Variants in KIAA1958 observed in about 807,000 individuals in gnomAD.
The protein encoded by KIAA1958 is KIAA1958, also known as uncharacterized protein KIAA1958.
KIAA1958 carries 14 observed loss-of-function variants against 47.2 expected under a neutral mutation model. The ratio of observed to expected loss-of-function variants is 0.30; its 90% CI spans 0.20 to 0.46. The LOEUF is 0.46. Among genes scored for constraint, KIAA1958 ranks in the 20% least tolerant of loss-of-function variants. The probability of loss-of-function intolerance (pLI) is 1.00; values close to 1 mark genes in which losing one functional copy is unlikely to be tolerated. For missense variants in KIAA1958, 803 were observed against 909.2 expected, an observed-to-expected ratio of 0.88 and a Z score of 1.50; for synonymous variants, 354 against 353.3, an observed-to-expected ratio of 1.00 and a Z score of -0.02.
chr9:112,493,817 T>C (rs1424671900), intron 1 of KIAA1958, among the ~76,000 whole-genome samples: 1 of 152,254 alleles, frequency 6.6e-6, no homozygotes, highest in African/African-American at 2.4e-5. Flanking sequence ...TCACATTTTT[T>C]TTCCCCTCAA....
At chr9:112,569,433 A>G (rs1371312329) in intron 1 of KIAA1958, among the ~76,000 whole-genome samples, 1 of 152,214 alleles carries the variant, frequency 6.6e-6, no homozygotes, top group Non-Finnish European at 1.5e-5. Flanking sequence ...GCTTTAATTC[A>G]TTAAAAGCTT....
chr9:112,636,281 G>T (rs73656440), intron 2 of KIAA1958, among the ~76,000 whole-genome samples: 2,336 of 151,850 alleles, frequency 0.015, 53 homozygotes, highest in African/African-American at 0.048. Flanking sequence ...CCTTTGAAAA[G>T]TTGAGACTTG....
At chr9:112,516,828 C>G (rs1234019359) in intron 1 of KIAA1958, among the ~76,000 whole-genome samples, 1 of 152,166 alleles carries the variant, frequency 6.6e-6, no homozygotes, top group Non-Finnish European at 1.5e-5. Context: ...TTGGGCAGTA[C>G]CTCTGAACCA....
chr9:112,578,070 G>A (rs1835680229), intron 2 of KIAA1958, among the ~76,000 whole-genome samples: 1 of 152,126 alleles, frequency 6.6e-6, no homozygotes, highest in Non-Finnish European at 1.5e-5. Flanking sequence ...ATATTGCTAA[G>A]ATGTCATTAG....
At chr9:112,522,525 C>T (rs1328821066) in intron 1 of KIAA1958, among the ~76,000 whole-genome samples, 1 of 152,146 alleles carries the variant, frequency 6.6e-6, no homozygotes, top group Non-Finnish European at 1.5e-5. Context: ...GTGTATACGC[C>T]TAGCCTGGGT....
rs749717257 is a variant in KIAA1958, at chr9:112,526,474, G to GGCCTCAAGTGATCCACCC, written c.-25+39363_-25+39380dup. Among the ~76,000 whole-genome samples the GGCCTCAAGTGATCCACCC allele has an allele frequency of 5.0e-3, 766 of 152,144 alleles. 4 individuals are homozygous for GGCCTCAAGTGATCCACCC. Among genetic ancestry groups the GGCCTCAAGTGATCCACCC allele is most frequent in the Non-Finnish European group, 8.5e-3 (580 of 67,998 alleles). On this transcript the variant is annotated intron_variant, in intron 1 of 3. Coordinates refer to ENST00000337530, the MANE Select transcript of KIAA1958 (RefSeq NM_133465.4). ...TTGGCCAGGCTGGTCTCAAACCCCT[G>GGCCTCAAGTGATCCACCC]GCCTCAAGTGATCCACCCGCCTCAG... is the stretch of plus-strand genomic sequence containing the variant.
At chr9:112,528,526 G>C (rs1015664998) in intron 1 of KIAA1958, among the ~76,000 whole-genome samples, 2 of 152,020 alleles carry the variant, frequency 1.3e-5, no homozygotes, top group Non-Finnish European at 2.9e-5. Flanking sequence ...TCATATGCAT[G>C]TATTTATTTA....
At chr9:112,556,904 G>A (rs1307697657) in intron 1 of KIAA1958, among the ~76,000 whole-genome samples, 1 of 152,222 alleles carries the variant, frequency 6.6e-6, no homozygotes, top group African/African-American at 2.4e-5. Flanking sequence ...CAGGTGGACA[G>A]AACAGGTGGG....
intron 3 of KIAA1958, among the ~76,000 whole-genome samples, chr9:112,658,486 A>G (rs1837193086): frequency 6.6e-6 from 1 of 152,242 alleles, no homozygotes; most frequent in Admixed American, 6.5e-5. Flanking sequence ...AGGAATAGTG[A>G]AAGTTACAAA....
intron 1 of KIAA1958, among the ~76,000 whole-genome samples, chr9:112,535,037 A>G (rs1002533170): frequency 2.6e-5 from 4 of 152,246 alleles, no homozygotes; most frequent in African/African-American, 9.6e-5. Context: ...TGATACATGT[A>G]TGCATTGTAG....
chr9:112,542,418 C>A (rs1460972555), intron 1 of KIAA1958, among the ~76,000 whole-genome samples: 2 of 151,936 alleles, frequency 1.3e-5, no homozygotes, highest in African/African-American at 4.8e-5. Flanking sequence ...AGGATATATT[C>A]ATGAATATAA....
chr9:112,566,748 C>G (rs565310147), intron 1 of KIAA1958, among the ~76,000 whole-genome samples: 1 of 152,002 alleles, frequency 6.6e-6, no homozygotes, highest in Non-Finnish European at 1.5e-5. Flanking sequence ...TTTATGATGT[C>G]AAATCAGGAG....
At chr9:112,502,281 T>G (rs1156380989) in intron 1 of KIAA1958, among the ~76,000 whole-genome samples, 2 of 152,254 alleles carry the variant, frequency 1.3e-5, no homozygotes, top group Non-Finnish European at 2.9e-5. Context: ...AACAAGACAT[T>G]ATTTATTCCT....
chr9:112,576,930 C>T (rs142999242), intron 2 of KIAA1958, among the ~76,000 whole-genome samples: 21 of 152,226 alleles, frequency 1.4e-4, no homozygotes, highest in Non-Finnish European at 2.5e-4. Context: ...ACTGTTTTCC[C>T]AAGCAGCTCC....
chr9:112,493,281 GA>G (rs771032183), intron 1 of KIAA1958, among the ~76,000 whole-genome samples: 5 of 151,912 alleles, frequency 3.3e-5, no homozygotes, highest in Non-Finnish European at 5.9e-5. Context: ...CTTTTCTCCT[GA>G]AATCCACATC....
intron 2 of KIAA1958, 38 bp from the exon 3 acceptor site, chr9:112,645,612 G>A (rs1409576818): frequency 4.2e-6 from 6 of 1,433,520 alleles, no homozygotes; most frequent in Admixed American, 2.0e-5. Context: ...GAAGGGAATG[G>A]CAAATTATTT....
intron 2 of KIAA1958, among the ~76,000 whole-genome samples, chr9:112,616,724 T>G (rs1469721730): frequency 6.6e-6 from 1 of 152,196 alleles, no homozygotes; most frequent in African/African-American, 2.4e-5. Context: ...ATAGTGGTGA[T>G]TTTTGACAAA....
chr9:112,594,006 A>G (rs1280259580), intron 2 of KIAA1958, among the ~76,000 whole-genome samples: 2 of 152,106 alleles, frequency 1.3e-5, no homozygotes, highest in Non-Finnish European at 2.9e-5. Context: ...CTAGGACTAC[A>G]GGCATGCACT....
At chr9:112,586,796 C>A (rs891503315) in intron 2 of KIAA1958, among the ~76,000 whole-genome samples, 2 of 152,174 alleles carry the variant, frequency 1.3e-5, no homozygotes, top group Admixed American at 1.3e-4. Flanking sequence ...CACTTCAGAA[C>A]TGAAGAGGTG....
Sources: gnomAD v4.1 joint callset for allele counts (sites outside exome capture counted in the v4.1 genomes callset) on GRCh38, gnomAD v4.1.1 for gene constraint, MANE v1.5 for transcripts, NCBI Gene and HGNC (gene_info 2026-07-23, HGNC 2026-07-21) for gene names.